The following ARHGEF33 variants were observed in gnomAD, a reference collection of about 807,000 sequenced individuals.
ARHGEF33 encodes Rho guanine nucleotide exchange factor 33.
Under a neutral mutation model 101.9 loss-of-function variants are expected in ARHGEF33, and 72 were observed. The ratio of observed to expected loss-of-function variants is 0.71; its 90% CI spans 0.58 to 0.86. The LOEUF (loss-of-function observed/expected upper bound fraction) is 0.86, where lower values mean the gene tolerates loss of function less well. ARHGEF33 is among the 40% of genes least tolerant of loss of function. ARHGEF33 has a pLI of 0.00. For synonymous variants in ARHGEF33, 499 were observed against 442.5 expected (o/e 1.13, Z -1.60); for missense variants, 1,169 against 1,111.3 (o/e 1.05, Z -0.74).
Position 38,958,034 on chromosome 2 carries a change from G to A in ARHGEF33, c.1371G>A (p.Lys457=), listed in dbSNP as rs1667813664. 2.2e-5 allele frequency: 34 copies of A among 1,552,060 alleles called. No individual in the cohort carries two copies. Among genetic ancestry groups the A allele is most frequent in the Non-Finnish European group, 3.0e-5 (34 of 1,147,114 alleles). Residue 457 remains lysine (K), a splice_region_variant and synonymous_variant, in exon 15 of 18, where the codon AAG becomes AAA. Transcript: ENST00000409978. ...LLIQKRKKLK[K]SSMAKLYKGL... is the part of the protein sequence containing the mutation. ...AGAACTGTTATTTCCATTCTGTTAG[G>A]TCATCCATGGCGAAGCTGTACAAAG...
intron 11 of ARHGEF33, among the ~76,000 whole-genome samples, chr2:38,952,845 C>G (rs1667645731): frequency 6.6e-6 from 1 of 152,086 alleles, no homozygotes; most frequent in South Asian, 2.1e-4. Context: ...ATTAGCGGCA[C>G]CTGCCATCAT....
chr2:38,896,126 C>T (rs1211747678), intron 2 of ARHGEF33, among the ~76,000 whole-genome samples: 2 of 152,026 alleles, frequency 1.3e-5, no homozygotes, highest in African/African-American at 4.8e-5. Context: ...ATGAACTATG[C>T]TTTTTTGTTT....
chr2:38,928,970 A>T lies in ARHGEF33; in HGVS notation c.139A>T (p.Ile47Phe), dbSNP rs1463539300. The part of the protein sequence containing the change: ...FTEAMQELSR[I>F]QHGEYALEEK... ...AGAAGCAATGCAAGAACTGTCAAGA[A>T]TTCAACATGGAGAATATGCTTTGGA... Residue 47 changes from isoleucine to phenylalanine, a missense_variant, in exon 5 of 18, where the codon ATT becomes TTT. Ile to Phe is a conservative substitution (Grantham distance 21, BLOSUM62 0). Transcript: ENST00000409978. 6.4e-7 allele frequency: 1 copy of T among 1,551,680 alleles called. No homozygotes were observed. Among genetic ancestry groups the T allele is most frequent in the South Asian group, 1.2e-5 (1 of 84,024 alleles).
At chr2:38,930,777 C>T (rs148794076) in intron 6 of ARHGEF33, among the ~76,000 whole-genome samples, 1,874 of 152,182 alleles carry the variant, frequency 0.012, 17 homozygotes, top group Non-Finnish European at 0.019. Flanking sequence ...CATTGCTAAG[C>T]GAATATAAAT....
chr2:38,896,979 G>A (rs1052833142), intron 2 of ARHGEF33, among the ~76,000 whole-genome samples: 3 of 152,032 alleles, frequency 2.0e-5, no homozygotes, highest in South Asian at 2.1e-4. Context: ...GCAGTGGCAC[G>A]ATCTTGGCTC....
intron 7 of ARHGEF33, among the ~76,000 whole-genome samples, chr2:38,933,301 C>T (rs1482747220): frequency 6.6e-6 from 1 of 152,162 alleles, no homozygotes; most frequent in Non-Finnish European, 1.5e-5. Context: ...TGCTGCCTTA[C>T]AATTTGGCAG....
At chr2:38,946,485 G>A (rs1027078265) in intron 10 of ARHGEF33, among the ~76,000 whole-genome samples, 3 of 152,030 alleles carry the variant, frequency 2.0e-5, no homozygotes, top group Admixed American at 6.6e-5. Flanking sequence ...CACCCTCTTC[G>A]TTAGTACTGA....
At chr2:38,959,727 G>A (rs1310384730) in intron 15 of ARHGEF33, 114 bp from the exon 16 acceptor site, 1 of 1,175,142 alleles carries the variant, frequency 8.5e-7, no homozygotes. Flanking sequence ...TGGAGCTCGG[G>A]AGGTGGCATG....
At chr2:38,938,247 G>T (rs574434994) in intron 9 of ARHGEF33, among the ~76,000 whole-genome samples, 1 of 152,210 alleles carries the variant, frequency 6.6e-6, no homozygotes, top group African/African-American at 2.4e-5. Context: ...GTTTTTAAAA[G>T]ATGTTTAGCC....
chr2:38,936,007 C>G (rs1309493620), intron 8 of ARHGEF33, among the ~76,000 whole-genome samples, 173 bp downstream of exon 8: 1 of 152,174 alleles, frequency 6.6e-6, no homozygotes, highest in Non-Finnish European at 1.5e-5. Flanking sequence ...GTCAGTGACT[C>G]ATTTGAACCA....
chr2:38,929,128 A>G, intron 5 of ARHGEF33, 57 bp downstream of exon 5: 1 of 1,385,954 alleles, frequency 7.2e-7, no homozygotes, highest in Non-Finnish European at 9.8e-7. Context: ...AGTAACAGCA[A>G]TAGAAAACTT....
chr2:38,918,877 C>CAAAA (rs1181241601), intron 2 of ARHGEF33, among the ~76,000 whole-genome samples: 4 of 51,228 alleles, frequency 7.8e-5, no homozygotes, highest in Non-Finnish European at 1.6e-4. Context: ...CCCATCTCTA[C>CAAAA]AAAAAAAAAA....
chr2:38,957,852 C>T (rs1572775974), intron 14 of ARHGEF33, 182 bp from the exon 15 acceptor site: 1 of 668,226 alleles, frequency 1.5e-6, no homozygotes, highest in Non-Finnish European at 2.5e-6. Context: ...AATCAGCTTC[C>T]CTAGTCCTGC....
intron 2 of ARHGEF33, among the ~76,000 whole-genome samples, chr2:38,910,852 C>G (rs963942695): frequency 1.3e-5 from 2 of 152,140 alleles, no homozygotes; most frequent in Admixed American, 1.3e-4. Context: ...AAAGTGGTAC[C>G]TTAAATTACA....
intron 2 of ARHGEF33, among the ~76,000 whole-genome samples, chr2:38,903,837 A>G (rs1198035727): frequency 2.0e-5 from 3 of 152,212 alleles, no homozygotes; most frequent in Non-Finnish European, 4.4e-5. Flanking sequence ...CATGATTTTT[A>G]GATGCGAGAA....
intron 1 of ARHGEF33, among the ~76,000 whole-genome samples, chr2:38,891,578 A>G (rs1211847991): frequency 2.0e-5 from 3 of 152,136 alleles, no homozygotes; most frequent in Admixed American, 6.6e-5. Context: ...TATTCCTGGG[A>G]CCACAGGTTA....
At chr2:38,944,610 T>C (rs570116129) in intron 10 of ARHGEF33, among the ~76,000 whole-genome samples, 21 of 152,192 alleles carry the variant, frequency 1.4e-4, no homozygotes, top group Admixed American at 3.3e-4. Context: ...AGAAAATGAG[T>C]ATAGTCTCCT....
intron 8 of ARHGEF33, chr2:38,936,876 TGAGGCAGGAGAATCGCTTGAACCCAG>T (rs1667145482): frequency 1.3e-5 from 2 of 150,160 alleles, no homozygotes; most frequent in South Asian, 4.3e-4. Flanking sequence ...CTTGGGAGAC[TGAGGCAGGAGAATCGCTTGAACCCAG>T]GAGGCAGAGG....
intron 1 of ARHGEF33, among the ~76,000 whole-genome samples, chr2:38,892,790 A>C (rs1666034318): frequency 6.6e-6 from 1 of 152,190 alleles, no homozygotes; most frequent in African/African-American, 2.4e-5. Context: ...TCATGGAGCA[A>C]CCTTTGAAAT....
Sources: allele counts gnomAD v4.1 joint callset (sites outside exome capture counted in the v4.1 genomes callset), GRCh38; gene constraint gnomAD v4.1.1; transcripts MANE v1.5; gene names NCBI Gene and HGNC (gene_info 2026-07-23, HGNC 2026-07-21).